CILK1: variants seen among roughly 807,000 people sequenced by gnomAD.
CILK1 encodes serine/threonine-protein kinase ICK.
A neutral mutation model predicts 79.2 loss-of-function variants in CILK1; 47 were observed. The observed-to-expected ratio is 0.59, with a 90% CI of 0.47 to 0.76. CILK1 has a LOEUF of 0.76. Ranked by LOEUF, CILK1 falls within the 30% of genes least tolerant of loss-of-function variation. The probability of loss-of-function intolerance (pLI) is 0.00; values close to 1 mark genes in which losing one functional copy is unlikely to be tolerated. For missense variants in CILK1, 660 were observed against 769.5 expected, an observed-to-expected ratio of 0.86 and a Z score of 1.68; for synonymous variants, 266 against 275.9, an observed-to-expected ratio of 0.96 and a Z score of 0.36.
chr6:53,047,345 C>A (rs1167152427), intron 1 of CILK1, among the ~76,000 whole-genome samples: 3 of 151,812 alleles, frequency 2.0e-5, no homozygotes, highest in African/African-American at 7.3e-5. Flanking sequence ...ACTCTGTCAC[C>A]CAGGCTGGAG....
At chr6:53,041,058 C>G (rs1766674027) in intron 2 of CILK1, 78 bp downstream of exon 2, 5 of 957,822 alleles carry the variant, frequency 5.2e-6, no homozygotes, top group Non-Finnish European at 8.6e-6. Context: ...CTACCCACTC[C>G]CCTTTAGAAC....
chr6:53,044,123 T>C (rs1766897160), intron 1 of CILK1, among the ~76,000 whole-genome samples: 1 of 151,994 alleles, frequency 6.6e-6, no homozygotes, highest in African/African-American at 2.4e-5. Flanking sequence ...GAGAAGAAAA[T>C]GCAATAAAGC....
chr6:53,032,267 G>A (rs528336556), intron 4 of CILK1, among the ~76,000 whole-genome samples: 11 of 152,280 alleles, frequency 7.2e-5, no homozygotes, highest in South Asian at 6.2e-4. Context: ...GCCCAGTAGC[G>A]TGAATGTTAA....
At chr6:53,049,378 TA>T (rs1004787705) in intron 1 of CILK1, among the ~76,000 whole-genome samples, 2 of 152,234 alleles carry the variant, frequency 1.3e-5, no homozygotes, top group African/African-American at 2.4e-5. Context: ...AAATTAGAAG[TA>T]ACTATTAGCC....
In CILK1 at chr6:53,039,989, T is replaced by C. The variant is rs368195031; in HGVS notation, c.101+1147A>G. Among the ~76,000 whole-genome samples the C allele has an allele frequency of 7.2e-5, 11 of 152,168 alleles. No individual in the cohort carries two copies. The East Asian group carries it at 1.7e-3, about 24-fold the overall frequency. ...GGGAAGGCAGGAGGACTCCCAGGTT[T>C]TGAGGGTATAGTACCAATTATTGAA... On this transcript the variant is annotated intron_variant, in intron 2 of 13. Transcript: ENST00000676107.
At chr6:53,026,278 C>T (rs1480960831) in intron 5 of CILK1, among the ~76,000 whole-genome samples, 2 of 152,114 alleles carry the variant, frequency 1.3e-5, no homozygotes, top group Admixed American at 6.5e-5. Context: ...TATTCTCCTG[C>T]CTTAGCCTCC....
chr6:53,019,697 C>T (rs1765114037), intron 5 of CILK1, among the ~76,000 whole-genome samples: 2 of 152,116 alleles, frequency 1.3e-5, no homozygotes, highest in African/African-American at 4.8e-5. Flanking sequence ...GACGGCATCT[C>T]ATTCTATTGC....
chr6:53,057,809 G>A (rs1768027469), intron 1 of CILK1: 1 of 152,070 alleles, frequency 6.6e-6, no homozygotes. Context: ...CTTCAGAGTA[G>A]AATATTTTGA....
intron 9 of CILK1, 39 bp from the exon 10 acceptor site, chr6:53,012,266 C>T (rs1764619930): frequency 1.9e-6 from 3 of 1,589,058 alleles, no homozygotes; most frequent in Non-Finnish European, 1.7e-6. Flanking sequence ...CAATACTTGG[C>T]ATTAACAGAA....
At chr6:53,009,637 A>C (rs1764441365) in intron 11 of CILK1, 70 bp from the exon 12 acceptor site, 2 of 1,328,308 alleles carry the variant, frequency 1.5e-6, no homozygotes. Flanking sequence ...CAAAGATAAA[A>C]TTAATGCAGA....
chr6:53,015,928 A>C, intron 8 of CILK1, 155 bp downstream of exon 8: 1 of 754,144 alleles, frequency 1.3e-6, no homozygotes. Flanking sequence ...TAAGTTTCAA[A>C]CTATTTTAAG....
intron 7 of CILK1, 40 bp from the exon 8 acceptor site, chr6:53,016,290 T>C: frequency 6.2e-7 from 1 of 1,607,058 alleles, no homozygotes; most frequent in Non-Finnish European, 8.5e-7. Flanking sequence ...CTCAGCCAAT[T>C]GCTGTGATAT....
chr6:53,011,989 C>T, intron 10 of CILK1, 48 bp downstream of exon 10: 1 of 1,613,790 alleles, frequency 6.2e-7, no homozygotes, highest in Non-Finnish European at 8.5e-7. Context: ...CCCATAATCT[C>T]ATGAATTCCA....
At chr6:53,059,061 G>C (rs1296981229) in intron 1 of CILK1, among the ~76,000 whole-genome samples, 1 of 152,180 alleles carries the variant, frequency 6.6e-6, no homozygotes, top group East Asian at 1.9e-4. Context: ...ACTTACTAAG[G>C]ATTCACTGCA....
In CILK1 at chr6:53,005,150, C is replaced by T. The variant is rs745870565; in HGVS notation, c.1898G>A (p.Ter633=). ...DWASKYASRR[*] is the part of the protein sequence containing the mutation. ...GAGATTCATCACCAAGGCAGACAGT[C>T]ATCGCCGAGATGCGTACTTGGAAGC... Residue 633 remains the stop codon, a stop_retained_variant, in exon 14 of 14, where the codon TGA becomes TAA. Transcript: ENST00000676107. 1 of 1,614,128 alleles carries T rather than the reference C, an allele frequency of 6.2e-7. No homozygotes were observed. The highest frequency in any genetic ancestry group is 8.5e-7 in the Non-Finnish European group (1 of 1,180,034).
intron 5 of CILK1, among the ~76,000 whole-genome samples, chr6:53,021,501 A>C (rs1765241816): frequency 6.6e-6 from 1 of 151,960 alleles, no homozygotes; most frequent in South Asian, 2.1e-4. Flanking sequence ...ACCCACAAAA[A>C]CCATCCATGA....
At chr6:53,038,210 A>G (rs1766480325) in intron 2 of CILK1, among the ~76,000 whole-genome samples, 1 of 152,228 alleles carries the variant, frequency 6.6e-6, no homozygotes. Context: ...GGTGTGGTGC[A>G]GTCCAAAGAG....
chr6:53,032,017 G>C (rs1765999516), intron 4 of CILK1, among the ~76,000 whole-genome samples: 1 of 152,134 alleles, frequency 6.6e-6, no homozygotes. Context: ...ATTTTTAGTA[G>C]AGACAGGGTT....
intron 1 of CILK1, among the ~76,000 whole-genome samples, chr6:53,053,826 T>A (rs1034921294): frequency 3.3e-5 from 5 of 152,194 alleles, no homozygotes; most frequent in Middle Eastern, 3.2e-3. Context: ...AGTGAGGGAC[T>A]GGTTCCAGTT....
Sources: allele counts gnomAD v4.1 joint callset (sites outside exome capture counted in the v4.1 genomes callset), GRCh38; gene constraint gnomAD v4.1.1; transcripts MANE v1.5; gene names NCBI Gene and HGNC (gene_info 2026-07-23, HGNC 2026-07-21).